Variants in WNK3 observed in about 807,000 individuals in gnomAD.
The protein encoded by WNK3 is WNK lysine deficient protein kinase 3.
WNK3 carries 18 observed loss-of-function variants against 116.7 expected under a neutral mutation model. The observed-to-expected ratio is 0.15, with a 90% CI of 0.11 to 0.23. The LOEUF (loss-of-function observed/expected upper bound fraction) is 0.23. WNK3 is among the 10% of genes least tolerant of loss of function. The pLI is 1.00. For missense variants in WNK3, 993 were observed against 1,323.8 expected (o/e 0.75, Z 3.88); for synonymous variants, 404 against 469.4 (o/e 0.86, Z 1.80).
At position 54,248,737 on chromosome X, in the gene WNK3, A is replaced by G; in HGVS notation, c.3611T>C (p.Leu1204Pro). Residue 1204 changes from leucine to proline, a missense_variant, in exon 17 of 24, where the codon CTG becomes CCG. Coordinates refer to ENST00000354646, the Ensembl canonical transcript of WNK3. ...GCTGGGTACAGAAGTTATCACATTC[A>G]GGTCCCTTTTGAACACTGATATATT... The G allele has an allele frequency of 4.1e-6, 5 of 1,211,507 alleles. No homozygotes were observed. In the African/African-American group the frequency reaches 5.2e-5, roughly 13 times the overall value.
chrX:54,321,909 C>T (rs142410772), intron 2 of WNK3, among the ~76,000 whole-genome samples: 2,434 of 106,174 alleles, frequency 0.023, 62 homozygotes, highest in African/African-American at 0.078. Context: ...CGCTTGACCC[C>T]GGAGGCAGAG....
At chrX:54,356,467 C>T (rs1042316148) in intron 1 of WNK3, among the ~76,000 whole-genome samples, 4 of 111,124 alleles carry the variant, frequency 3.6e-5, no homozygotes, top group Admixed American at 1.9e-4. Flanking sequence ...CGCTCCACCA[C>T]GCCCGGCTAA....
intron 1 of WNK3, among the ~76,000 whole-genome samples, chrX:54,350,396 T>C (rs1557178355): frequency 1.9e-5 from 2 of 105,052 alleles, no homozygotes; most frequent in South Asian, 8.6e-4. Flanking sequence ...GGTGACAGAA[T>C]GAGACTCTGT....
At chrX:54,204,434 AAC>A (rs2067532151) in intron 22 of WNK3, among the ~76,000 whole-genome samples, 1 of 111,886 alleles carries the variant, frequency 8.9e-6, no homozygotes, top group Non-Finnish European at 1.9e-5. Flanking sequence ...ATCAAAGGGA[AAC>A]ACAGTAGTGT....
intron 10 of WNK3, among the ~76,000 whole-genome samples, chrX:54,283,964 T>G (rs1241899005): frequency 9.1e-6 from 1 of 109,311 alleles, no homozygotes. Context: ...ATAAACCATA[T>G]GAAAGTTTCC....
intron 22 of WNK3, among the ~76,000 whole-genome samples, chrX:54,210,783 G>A (rs782318120): frequency 2.7e-5 from 3 of 112,000 alleles, no homozygotes; most frequent in East Asian, 2.8e-4. Flanking sequence ...GAGTGAGGAC[G>A]TTAAGAAACC....
chrX:54,217,315 CA>C (rs782153999), intron 22 of WNK3, among the ~76,000 whole-genome samples: 7,284 of 49,909 alleles, frequency 0.15, 475 homozygotes, highest in African/African-American at 0.24. Context: ...AAGACTCCAT[CA>C]AAAAAAAAAA....
At chrX:54,334,391 C>T (rs979896411) in intron 1 of WNK3, among the ~76,000 whole-genome samples, 1 of 111,274 alleles carries the variant, frequency 9.0e-6, no homozygotes, top group East Asian at 2.8e-4. Context: ...CCCCCACCCA[C>T]CCCTGGTAAC....
chrX:54,300,459 C>T (rs1472339037), intron 6 of WNK3, among the ~76,000 whole-genome samples: 1 of 111,968 alleles, frequency 8.9e-6, no homozygotes, highest in South Asian at 3.7e-4. Context: ...TACCCTCAAC[C>T]TATTATCCTT....
At chrX:54,315,832 C>A (rs901154430) in intron 2 of WNK3, among the ~76,000 whole-genome samples, 1 of 111,430 alleles carries the variant, frequency 9.0e-6, no homozygotes, top group Non-Finnish European at 1.9e-5. Context: ...TTATGTAGTC[C>A]CATGAGTGAT....
At chrX:54,288,819 G>C (rs1404808286) in intron 10 of WNK3, among the ~76,000 whole-genome samples, 5 of 111,559 alleles carry the variant, frequency 4.5e-5, no homozygotes, top group African/African-American at 1.6e-4. Context: ...ACTACCTTGG[G>C]GTTGTGTTAA....
At chrX:54,224,733 C>A (rs1557147419) in intron 22 of WNK3, among the ~76,000 whole-genome samples, 1 of 109,745 alleles carries the variant, frequency 9.1e-6, no homozygotes, top group African/African-American at 3.3e-5. Context: ...CCACACTGGG[C>A]TAATTTTTTG....
At chrX:54,291,129 C>T (rs911793420) in intron 10 of WNK3, among the ~76,000 whole-genome samples, 6 of 110,436 alleles carry the variant, frequency 5.4e-5, no homozygotes, top group Non-Finnish European at 7.6e-5. Flanking sequence ...CTGGCTAACA[C>T]GGTGAAAGCC....
chrX:54,351,436 C>T (rs1381874056), intron 1 of WNK3, among the ~76,000 whole-genome samples: 1 of 110,228 alleles, frequency 9.1e-6, no homozygotes, highest in Non-Finnish European at 1.9e-5. Flanking sequence ...TTACTTTAAT[C>T]CTTTAAAGAA....
intron 22 of WNK3, among the ~76,000 whole-genome samples, chrX:54,214,326 A>G (rs1028532062): frequency 9.9e-5 from 11 of 111,566 alleles, no homozygotes; most frequent in Non-Finnish European, 1.7e-4. Context: ...GAAATCTCTG[A>G]GCCCAGATGG....
chrX:54,227,952 G>A (rs938364848), intron 22 of WNK3, among the ~76,000 whole-genome samples: 1 of 110,287 alleles, frequency 9.1e-6, no homozygotes, highest in Admixed American at 9.7e-5. Flanking sequence ...GTGTAATGGC[G>A]TGAACACGGA....
chrX:54,283,454 C>G (rs1451113571), intron 10 of WNK3, among the ~76,000 whole-genome samples: 2 of 110,749 alleles, frequency 1.8e-5, no homozygotes, highest in African/African-American at 6.6e-5. Context: ...CCACATCACA[C>G]CCACTAGGAT....
chrX:54,248,742 C>T (rs2068097421), exon 17 of WNK3: 6 of 1,210,956 alleles, frequency 5.0e-6, no homozygotes, highest in Non-Finnish European at 6.7e-6. Flanking sequence ...CATTCAGGTC[C>T]CTTTTGAACA....
chrX:54,278,050 C>T (rs140412356), intron 10 of WNK3, among the ~76,000 whole-genome samples: 1,221 of 105,415 alleles, frequency 0.012, 20 homozygotes, highest in African/African-American at 0.04. Flanking sequence ...GCTGAGATCA[C>T]GCCACTGAAC....
Sources: gnomAD v4.1 joint callset for allele counts (sites outside exome capture counted in the v4.1 genomes callset) on GRCh38, gnomAD v4.1.1 for gene constraint, MANE v1.5 for transcripts, NCBI Gene and HGNC (gene_info 2026-07-23, HGNC 2026-07-21) for gene names.